SLC19A1: variants seen among roughly 807,000 people sequenced by gnomAD.
SLC19A1 encodes solute carrier family 19 member 1, also known as reduced folate transporter.
Under a neutral mutation model 35.3 loss-of-function variants are expected in SLC19A1, and 37 were observed. The observed-to-expected ratio is 1.05, with a 90% CI of 0.81 to 1.38. The LOEUF is 1.38. Ranked by LOEUF, SLC19A1 falls within the 40% of genes most tolerant of loss-of-function variation. The pLI is 0.00. For missense variants in SLC19A1, 831 were observed against 826.9 expected (o/e 1.00, Z -0.06); for synonymous variants, 460 against 398.5 (o/e 1.15, Z -1.84).
At position 45,531,448 on chromosome 21, in the gene SLC19A1, G is replaced by C; in HGVS notation, c.890C>G (p.Pro297Arg). The change falls in exon 3 of 6, where the codon CCC becomes CGC. Residue 297 changes from proline to arginine, a missense_variant. Coordinates refer to ENST00000311124, the MANE Select transcript of SLC19A1 (RefSeq NM_194255.4). Reference protein sequence around the residue: ...YVHILWNEVDPTTNSARVYNG... With the variant: ...YVHILWNEVDRTTNSARVYNG... ...GTAGACCCGCGCACTGTTGGTGGTG[G>C]GGTCCACCTCGTTCCACAGGATGTG... 1 of 1,611,750 alleles carries C rather than the reference G, an allele frequency of 6.2e-7. No homozygotes were observed. Among genetic ancestry groups the C allele is most frequent in the Non-Finnish European group, 8.5e-7 (1 of 1,179,190 alleles).
At chr21:45,548,914 A>T (rs377368020), upstream of SLC19A1, among the ~76,000 whole-genome samples, 7 of 152,212 alleles carry the variant, frequency 4.6e-5, no homozygotes, top group Admixed American at 2.0e-4. Flanking sequence ...CTAAGTGTTG[A>T]CAAGGCTGTG....
chr21:45,515,933 G>A lies in SLC19A1; in HGVS notation c.1501C>T (p.Pro501Ser). 6.5e-7 allele frequency: 1 copy of A among 1,539,672 alleles called. No individual in the cohort carries two copies. The highest frequency in any genetic ancestry group is 8.8e-7 in the Non-Finnish European group (1 of 1,142,496). Residue 501 changes from proline to serine, a missense_variant, in exon 6 of 6, where the codon CCG (proline) becomes TCG (serine). Physicochemically the swap from Pro to Ser is moderately conservative, Grantham distance 74 (BLOSUM62 -1). Coordinates refer to ENST00000311124, the MANE Select transcript of SLC19A1 (RefSeq NM_194255.4). ...CCCAGGCTGTCTTCTGGGGAAAGCG[G>A]CGGGCTCTGGGCTGGCTGCAGGCCT... is the stretch of plus-strand genomic sequence containing the variant. ...LGGLQPAQSP[P>S]LSPEDSLGAV...
intron 5 of SLC19A1, among the ~76,000 whole-genome samples, chr21:45,518,296 G>A (rs1326281912): frequency 6.6e-6 from 1 of 152,014 alleles, no homozygotes; most frequent in Non-Finnish European, 1.5e-5. Flanking sequence ...TAGAACAATA[G>A]AAATTATCCA....
chr21:45,532,123 A>G lies in SLC19A1; in HGVS notation c.215T>C (p.Leu72Pro), dbSNP rs1467624542. 2 of 1,606,340 alleles carry G rather than the reference A, an allele frequency of 1.2e-6. No homozygotes were observed. Among genetic ancestry groups the G allele is most frequent in the Admixed American group, 1.7e-5 (1 of 59,586 alleles). The change falls in exon 3 of 6, where the codon CTG becomes CCG. Residue 72 changes from leucine (L) to proline (P), a missense_variant. Physicochemically the swap from Leu to Pro is moderately conservative, Grantham distance 98. Transcript: ENST00000311124. ...CAGCACGGCCAGGTAGGAGTACGAC[A>G]GCACCGGCGTGATCTCGTTCGTGAC... ...EQVTNEITPV[L>P]SYSYLAVLVP...
chr21:45,552,080 G>A (rs2078471510), intron 1 of SLC19A1, among the ~76,000 whole-genome samples: 1 of 152,220 alleles, frequency 6.6e-6, no homozygotes, highest in African/African-American at 2.4e-5. Context: ...GTCTGCCCGA[G>A]TGTCTGACCC....
intron 1 of SLC19A1, among the ~76,000 whole-genome samples, chr21:45,557,986 G>A (rs1410216238): frequency 6.6e-6 from 1 of 152,214 alleles, no homozygotes; most frequent in African/African-American, 2.4e-5. Flanking sequence ...TTCTTCGGAG[G>A]GCATGACCAG....
chr21:45,527,797 C>A (rs1270213774), intron 4 of SLC19A1, among the ~76,000 whole-genome samples: 1 of 151,330 alleles, frequency 6.6e-6, no homozygotes, highest in Non-Finnish European at 1.5e-5. Context: ...GCAGGGCGGG[C>A]CCTGGAGGTG....
At position 45,531,987 on chromosome 21, in the gene SLC19A1, C is replaced by T. The variant is rs773852566; in HGVS notation, c.351G>A (p.Ala117=). Residue 117 remains alanine (A), a synonymous_variant, in exon 3 of 6, where the codon GCG becomes GCA. Transcript: ENST00000311124. ...WLLLLLGHSV[A]HMQLMELFYS... ...AGAAGAGCTCCATGAGCTGCATGTG[C>T]GCCACCGAGTGGCCCAGCAGCAGCA... The T allele has an allele frequency of 9.9e-6, 16 of 1,609,568 alleles. No individual in the cohort carries two copies. The highest frequency in any genetic ancestry group is 6.8e-6 in the Non-Finnish European group (8 of 1,179,410).
Position 45,537,826 on chromosome 21 carries a change from TC to T in SLC19A1, c.133del (p.Glu45ArgfsTer159). Reference protein sequence around the residue: ...YGFMAQIRPGESFITPYLLGP... With the variant: ...YGFMAQIRPGXSFITPYLLGP... ...CAGGAGGTAGGGGGTGATGAAGCTC[TC>T]CCCTGGCCGTATCTGCGCCATGAAG... On this transcript the variant is annotated frameshift_variant, in exon 2 of 6. Transcript: ENST00000311124. LOFTEE classifies it high-confidence loss of function. The T allele has an allele frequency of 1.3e-6, 2 of 1,598,118 alleles. No homozygotes were observed. Among genetic ancestry groups the T allele is most frequent in the Non-Finnish European group, 1.7e-6 (2 of 1,173,768 alleles).
intron 3 of SLC19A1, chr21:45,504,474 G>GA: frequency 1.2e-6 from 2 of 1,607,744 alleles, no homozygotes; most frequent in Non-Finnish European, 1.7e-6. Context: ...GAGCCCGGGG[G>GA]CGGCGGTTTC....
At chr21:45,509,118 C>T (rs532249970), downstream of SLC19A1, among the ~76,000 whole-genome samples, 5 of 152,222 alleles carry the variant, frequency 3.3e-5, no homozygotes, top group South Asian at 1.0e-3. Context: ...GGCTTCTGAG[C>T]ACGGCTGGGT....
chr21:45,512,189 C>T (rs1028994682), downstream of SLC19A1: 12 of 1,611,808 alleles, frequency 7.4e-6, no homozygotes, highest in South Asian at 1.1e-5. Context: ...GTCTTACAGG[C>T]CCCAGAAGAG....
At chr21:45,506,267 A>G (rs75109083) in intron 3 of SLC19A1, 197 of 418,570 alleles carry the variant, frequency 4.7e-4, no homozygotes, top group African/African-American at 3.8e-3. Context: ...ACACCCGATA[A>G]TAAGACAAGG....
chr21:45,528,559 C>T (rs558555281), intron 4 of SLC19A1, among the ~76,000 whole-genome samples: 15 of 152,236 alleles, frequency 9.9e-5, no homozygotes, highest in African/African-American at 1.2e-4. Flanking sequence ...GCCCGCATGC[C>T]GGCCTGCAGG....
In SLC19A1 at chr21:45,540,174, C is replaced by T. The variant is rs1206121235; in HGVS notation, c.-49-2166G>A. ...GCCACGGGTAGAGCTGGACATACCT[C>T]AGACCGCACCCACTCCTCCCCACTG... On this transcript the variant is annotated intron_variant, in intron 1 of 5. Coordinates refer to ENST00000311124, the MANE Select transcript of SLC19A1 (RefSeq NM_194255.4). The surrounding 1 kb of genome is among the most constrained non-coding windows in gnomAD (Gnocchi z 5.5). Among the ~76,000 whole-genome samples, 1 of 152,200 alleles carries T rather than the reference C, an allele frequency of 6.6e-6. No homozygotes were observed. Among genetic ancestry groups the T allele is most frequent in the East Asian group, 1.9e-4 (1 of 5,190 alleles).
intron 4 of SLC19A1, among the ~76,000 whole-genome samples, chr21:45,529,597 G>C (rs930204824): frequency 8.6e-6 from 1 of 116,014 alleles, no homozygotes; most frequent in Non-Finnish European, 1.8e-5. Flanking sequence ...GTCTCCATGT[G>C]TGAGCGTGTG....
intron 1 of SLC19A1, among the ~76,000 whole-genome samples, chr21:45,557,627 G>A (rs929106155): frequency 4.6e-5 from 7 of 152,170 alleles, no homozygotes; most frequent in Non-Finnish European, 8.8e-5. Context: ...CCAAACCAAG[G>A]CCACTCACTG....
In SLC19A1 at chr21:45,515,972, CCTG is replaced by C. The variant is rs1332246843; in HGVS notation, c.1459_1461del (p.Gln487del). The C allele has an allele frequency of 6.4e-7, 1 of 1,551,948 alleles. No individual in the cohort carries two copies. The highest frequency in any genetic ancestry group is 1.2e-5 in the South Asian group (1 of 83,872). The stretch of plus-strand genomic sequence containing the variant: ...GGCTGCAGGCCTCCGAGGCCCTTGT[CCTG>C]CACGCTCAGTGCCTGTGCTGCCTTC... On this transcript the variant is annotated inframe_deletion, in exon 6 of 6. Coordinates refer to ENST00000311124, the MANE Select transcript of SLC19A1 (RefSeq NM_194255.4).
downstream of SLC19A1, chr21:45,509,247 TGCCAGTTCAGAGCCCA>T: frequency 1.4e-6 from 2 of 1,444,032 alleles, no homozygotes; most frequent in Non-Finnish European, 1.9e-6. Flanking sequence ...GCTCCCTGCT[TGCCAGTTCAGAGCCCA>T]GCCCCTCTCA....
Sources: gnomAD v4.1 joint callset for allele counts (sites outside exome capture counted in the v4.1 genomes callset) on GRCh38, gnomAD v4.1.1 for gene constraint, Gnocchi (gnomAD v3.1) non-coding constraint, MANE v1.5 for transcripts, NCBI Gene and HGNC (gene_info 2026-07-23, HGNC 2026-07-21) for gene names.